SAMTOR: variants seen among roughly 807,000 people sequenced by gnomAD.
The protein encoded by SAMTOR is S-adenosylmethionine sensor upstream of mTORC1.
At chr7:112,822,353 G>A in the SAMTOR span, 1 of 1,604,698 alleles carries the variant, frequency 6.2e-7, no homozygotes. Context: ...GTAAGTTCAG[G>A]AAATCACATT....
At chr7:112,822,508 A>G in the SAMTOR span, 1 of 781,302 alleles carries the variant, frequency 1.3e-6, no homozygotes, top group Non-Finnish European at 2.0e-6. Context: ...TTAAATTATT[A>G]AACTTGAACA....
chr7:112,895,542 T>A, the SAMTOR span: 4 of 1,476,636 alleles, frequency 2.7e-6, no homozygotes, highest in African/African-American at 4.2e-5. Context: ...TTATCCAGGA[T>A]AATCAAAGTA....
At chr7:112,862,314 A>T in the SAMTOR span, among the ~76,000 whole-genome samples, 1 of 152,178 alleles carries the variant, frequency 6.6e-6, no homozygotes, top group Non-Finnish European at 1.5e-5. Flanking sequence ...GTAAAAAGAA[A>T]ACAGAGGATT....
At chr7:112,919,688 T>C in the SAMTOR span, among the ~76,000 whole-genome samples, 1 of 151,394 alleles carries the variant, frequency 6.6e-6, no homozygotes, top group African/African-American at 2.4e-5. Flanking sequence ...TCAACAAAAT[T>C]GATAGACCGC....
chr7:112,858,582 T>C, the SAMTOR span, among the ~76,000 whole-genome samples: 1 of 152,270 alleles, frequency 6.6e-6, no homozygotes, highest in African/African-American at 2.4e-5. Flanking sequence ...TTTTTCCAGT[T>C]AGCAAAGATA....
chr7:112,895,736 T>C, the SAMTOR span: 17 of 1,522,922 alleles, frequency 1.1e-5, no homozygotes, highest in African/African-American at 1.4e-5. Flanking sequence ...ATTCTCTGCA[T>C]ACACTACAAG....
At chr7:112,886,143 C>T in the SAMTOR span, among the ~76,000 whole-genome samples, 1 of 152,204 alleles carries the variant, frequency 6.6e-6, no homozygotes, top group Admixed American at 6.5e-5. Context: ...GGGGTAACCA[C>T]CCCCATGATT....
At chr7:112,832,564 T>C in the SAMTOR span, 1 of 1,569,162 alleles carries the variant, frequency 6.4e-7, no homozygotes, top group Non-Finnish European at 8.8e-7. Flanking sequence ...TGCATACCTC[T>C]ACAGCAGGTA....
chr7:112,879,513 G>T, the SAMTOR span, among the ~76,000 whole-genome samples: 66 of 152,266 alleles, frequency 4.3e-4, no homozygotes, highest in Middle Eastern at 3.4e-3. Flanking sequence ...GAATACAGAA[G>T]TTGATTGTCA....
the SAMTOR span, among the ~76,000 whole-genome samples, chr7:112,909,682 A>C: frequency 3.3e-5 from 5 of 152,048 alleles, no homozygotes; most frequent in Non-Finnish European, 4.4e-5. Context: ...ATTGTAGGAA[A>C]AGGCTAATGT....
At chr7:112,934,023 A>G in the SAMTOR span, among the ~76,000 whole-genome samples, 1 of 152,358 alleles carries the variant, frequency 6.6e-6, no homozygotes, top group African/African-American at 2.4e-5. Flanking sequence ...GAAATATTAT[A>G]GTAAACATAA....
the SAMTOR span, among the ~76,000 whole-genome samples, chr7:112,916,654 G>A: frequency 6.6e-6 from 1 of 152,194 alleles, no homozygotes; most frequent in African/African-American, 2.4e-5. Context: ...GCCTCACTTG[G>A]GAAGCGCAAG....
chr7:112,939,756 AGCCGCC>A, the SAMTOR span: 32 of 1,586,018 alleles, frequency 2.0e-5, no homozygotes, highest in East Asian at 3.4e-4. Context: ...TCCATATCGC[AGCCGCC>A]GCCGCCGCCG....
chr7:112,882,025 T>C, the SAMTOR span, among the ~76,000 whole-genome samples: 1 of 152,234 alleles, frequency 6.6e-6, no homozygotes, highest in South Asian at 2.1e-4. Context: ...TGGTTTCTGG[T>C]GTCTCCATGC....
chr7:112,876,493 C>T, the SAMTOR span, among the ~76,000 whole-genome samples: 4 of 152,102 alleles, frequency 2.6e-5, no homozygotes, highest in Non-Finnish European at 5.9e-5. Context: ...TGTGAAATAA[C>T]GCTAAGTTCA....
At chr7:112,872,176 AC>A in the SAMTOR span, among the ~76,000 whole-genome samples, 1 of 152,198 alleles carries the variant, frequency 6.6e-6, no homozygotes, top group Admixed American at 6.5e-5. Context: ...CAATGAAAAA[AC>A]AACAATAAAC....
the SAMTOR span, among the ~76,000 whole-genome samples, chr7:112,882,657 C>T: frequency 6.6e-6 from 1 of 151,706 alleles, no homozygotes; most frequent in South Asian, 2.1e-4. Context: ...CCACTGCACT[C>T]CAGCCTGCCA....
chr7:112,835,400 C>T, the SAMTOR span, among the ~76,000 whole-genome samples: 6 of 152,130 alleles, frequency 3.9e-5, no homozygotes, highest in African/African-American at 1.4e-4. Flanking sequence ...ATTAATCTTA[C>T]ATCAGAAGGA....
At chr7:112,856,459 A>G in the SAMTOR span, among the ~76,000 whole-genome samples, 1 of 152,108 alleles carries the variant, frequency 6.6e-6, no homozygotes, top group Admixed American at 6.5e-5. Flanking sequence ...CTTATTGGCC[A>G]GGCTGGTCTC....
Sources: allele counts gnomAD v4.1 joint callset (sites outside exome capture counted in the v4.1 genomes callset), GRCh38; gene constraint gnomAD v4.1.1; transcripts MANE v1.5; gene names NCBI Gene and HGNC (gene_info 2026-07-23, HGNC 2026-07-21).